ABL1: variants seen among roughly 807,000 people sequenced by gnomAD.
ABL1 encodes the protein ABL proto-oncogene 1, non-receptor tyrosine kinase.
Under a neutral mutation model 94.7 loss-of-function variants are expected in ABL1, and 11 were observed. That is an observed-to-expected ratio of 0.12 (90% CI 0.07 to 0.19). ABL1 has a LOEUF of 0.19. Among genes scored for constraint, ABL1 ranks in the 10% least tolerant of loss-of-function variants. ABL1 has a pLI of 1.00. For missense variants in ABL1, 1,082 were observed against 1,489.4 expected (o/e 0.73, Z 4.50); for synonymous variants, 656 against 622.4 (o/e 1.05, Z -0.80).
intron 7 of ABL1, among the ~76,000 whole-genome samples, chr9:130,876,172 G>T (rs979106950): frequency 4.6e-5 from 7 of 151,000 alleles, no homozygotes; most frequent in South Asian, 2.1e-4. Flanking sequence ...GTTTTTTTTT[G>T]AGTAATTTTT....
At position 130,880,367 on chromosome 9, in the gene ABL1, T is replaced by C. The variant is rs12005009; in HGVS notation, c.1514-133T>C. On this transcript the variant is annotated intron_variant, in intron 9 of 10. Transcript: ENST00000318560. The surrounding 1 kb of genome is among the most constrained non-coding windows in gnomAD (Gnocchi z 4.4). ...GAAATGCTAAGGGCTGTTTCTCCGG[T>C]ATCCACGTGCCTTTTCTTTAGTTGT... 0.23 allele frequency: 268,571 copies of C among 1,156,478 alleles called. 42,326 individuals are homozygous for C. The highest frequency in any genetic ancestry group is 0.76 in the African/African-American group (49,410 of 64,898). The allele number at this position is 1,156,478 out of a possible 1,614,324, so 71.6% of individuals were successfully genotyped here. A position where few individuals can be genotyped will look rare whatever the true frequency, so the allele number is the denominator to read the frequency against.
At chr9:130,746,958 G>C (rs558368187) in intron 1 of ABL1, among the ~76,000 whole-genome samples, 2 of 152,124 alleles carry the variant, frequency 1.3e-5, no homozygotes, top group African/African-American at 4.8e-5. Context: ...CTCCAGGAGA[G>C]AAATACTTCC....
intron 1 of ABL1, among the ~76,000 whole-genome samples, chr9:130,746,369 AT>A (rs778691216): frequency 6.6e-6 from 1 of 151,880 alleles, no homozygotes; most frequent in Non-Finnish European, 1.5e-5. Flanking sequence ...ACATTTATAG[AT>A]TTGTATAACT....
chr9:130,848,167 C>G (rs570811547), intron 1 of ABL1, among the ~76,000 whole-genome samples: 15 of 152,160 alleles, frequency 9.9e-5, no homozygotes, highest in African/African-American at 2.9e-4. Context: ...TGAAGGAAGC[C>G]TCCCTCCCCA....
chr9:130,784,330 T>C (rs1299367523), intron 1 of ABL1, among the ~76,000 whole-genome samples: 1 of 152,182 alleles, frequency 6.6e-6, no homozygotes. Flanking sequence ...AGTGGGGTTA[T>C]AGGTTTATAT....
At chr9:130,842,772 A>G (rs1253839810) in intron 1 of ABL1, among the ~76,000 whole-genome samples, 1 of 152,228 alleles carries the variant, frequency 6.6e-6, no homozygotes, top group Non-Finnish European at 1.5e-5. Flanking sequence ...ATGGCCTGTG[A>G]CAATAAAAAT....
chr9:130,847,084 C>T (rs1830784936), intron 1 of ABL1, among the ~76,000 whole-genome samples: 1 of 151,866 alleles, frequency 6.6e-6, no homozygotes, highest in African/African-American at 2.4e-5. Flanking sequence ...TCTCGGTGCT[C>T]AACTAGCTAA....
At chr9:130,745,171 A>ACCTCCTGG (rs1248953477) in intron 1 of ABL1, among the ~76,000 whole-genome samples, 1 of 137,984 alleles carries the variant, frequency 7.2e-6, no homozygotes, top group East Asian at 2.2e-4. Flanking sequence ...TGCAACCTCC[A>ACCTCCTGG]CCTCCTGGGT....
chr9:130,716,025 T>TAC (rs3076833), intron 1 of ABL1, among the ~76,000 whole-genome samples: 27,679 of 144,754 alleles, frequency 0.19, 3,291 homozygotes, highest in Middle Eastern at 0.41. Flanking sequence ...AATATATATA[T>TAC]ACACACACAC....
At chr9:130,742,120 T>C (rs909907228) in intron 1 of ABL1, among the ~76,000 whole-genome samples, 2 of 152,146 alleles carry the variant, frequency 1.3e-5, no homozygotes, top group Non-Finnish European at 2.9e-5. Context: ...CCGAGTCATG[T>C]ATGTTCTCTG....
At chr9:130,882,083 ACT>A (rs1831466369) in intron 10 of ABL1, among the ~76,000 whole-genome samples, 1 of 152,108 alleles carries the variant, frequency 6.6e-6, no homozygotes, top group South Asian at 2.1e-4. Flanking sequence ...TGGCGTATAG[ACT>A]CTCCAGAATC....
intron 1 of ABL1, among the ~76,000 whole-genome samples, chr9:130,828,952 A>G (rs1830461235): frequency 6.6e-6 from 1 of 152,212 alleles, no homozygotes; most frequent in Admixed American, 6.5e-5. Context: ...AGGCCATATC[A>G]TTGTGAAAGT....
chr9:130,741,107 A>G (rs1831811470), intron 1 of ABL1, among the ~76,000 whole-genome samples: 1 of 152,146 alleles, frequency 6.6e-6, no homozygotes, highest in Non-Finnish European at 1.5e-5. Flanking sequence ...TGCTCCTGGG[A>G]TATCCTTTAG....
intron 1 of ABL1, among the ~76,000 whole-genome samples, chr9:130,738,346 GA>G (rs1212559018): frequency 1.3e-5 from 2 of 152,092 alleles, no homozygotes; most frequent in African/African-American, 4.8e-5. Flanking sequence ...GGCAGTAGTC[GA>G]ATAACTTTTA....
intron 1 of ABL1, among the ~76,000 whole-genome samples, chr9:130,739,312 G>A (rs1052179962): frequency 1.3e-5 from 2 of 151,936 alleles, no homozygotes; most frequent in African/African-American, 4.8e-5. Context: ...AGCATCCTCA[G>A]CACTGTCTTA....
chr9:130,848,860 A>G (rs997045268), intron 1 of ABL1, among the ~76,000 whole-genome samples: 1 of 151,866 alleles, frequency 6.6e-6, no homozygotes, highest in Non-Finnish European at 1.5e-5. Flanking sequence ...AATTGCTTGA[A>G]CCCGGAAGGT....
intron 1 of ABL1, among the ~76,000 whole-genome samples, chr9:130,727,233 G>T (rs1443131071): frequency 7.3e-6 from 1 of 137,710 alleles, no homozygotes. Flanking sequence ...GCTTTGCTGA[G>T]GTTTTTTTTT....
intron 1 of ABL1, among the ~76,000 whole-genome samples, chr9:130,801,416 C>T (rs1386848974): frequency 2.0e-5 from 3 of 151,924 alleles, no homozygotes; most frequent in African/African-American, 4.8e-5. Flanking sequence ...TTAGTAGAGA[C>T]GGGGTTTCAC....
chr9:130,807,694 A>ATT, intron 1 of ABL1, among the ~76,000 whole-genome samples: 1 of 63,958 alleles, frequency 1.6e-5, no homozygotes, highest in South Asian at 4.8e-4. Context: ...ATATATATAT[A>ATT]GTTTTTTTTT....
Sources: gnomAD v4.1 joint callset for allele counts (sites outside exome capture counted in the v4.1 genomes callset) on GRCh38, gnomAD v4.1.1 for gene constraint, Gnocchi (gnomAD v3.1) non-coding constraint, MANE v1.5 for transcripts, NCBI Gene and HGNC (gene_info 2026-07-23, HGNC 2026-07-21) for gene names.